VPS13B: variants seen among roughly 807,000 people sequenced by gnomAD.
VPS13B encodes the protein vacuolar protein sorting 13 homolog B.
Under a neutral mutation model 426.4 loss-of-function variants are expected in VPS13B, and 285 were observed. The ratio of observed to expected loss-of-function variants is 0.67; its 90% CI spans 0.61 to 0.74. VPS13B has a LOEUF of 0.74. VPS13B is among the 30% of genes least tolerant of loss of function. The probability of loss-of-function intolerance (pLI) is 0.00; values close to 1 mark genes in which losing one functional copy is unlikely to be tolerated. For missense variants in VPS13B, 4,537 were observed against 4,782.6 expected, an observed-to-expected ratio of 0.95 and a Z score of 1.51; for synonymous variants, 1,676 against 1,676.4, an observed-to-expected ratio of 1.00 and a Z score of 0.01.
Position 99,766,882 on chromosome 8 carries a change from A to T in VPS13B, c.7159A>T (p.Asn2387Tyr), listed in dbSNP as rs915120404. The T allele has an allele frequency of 1.2e-6, 2 of 1,613,970 alleles. No individual in the cohort carries two copies. The highest frequency in any genetic ancestry group is 1.7e-6 in the Non-Finnish European group (2 of 1,179,992). The change falls in exon 40 of 62, where the codon AAT becomes TAT. Residue 2387 changes from asparagine to tyrosine, a missense_variant. This residue lies in a region of VPS13B where 4,311 missense variants were observed against 4,474.3 expected (regional missense o/e 0.96). Coordinates refer to ENST00000357162, the MANE Select transcript of VPS13B (RefSeq NM_152564.5). ...TTGTGAACTGCAGTTGCCGGATATC[A>T]ATCTCGTGAATGACCAGAAGAAATT... ...KVCELQLPDI[N>Y]LVNDQKKLVS...
At position 99,835,284 on chromosome 8, in the gene VPS13B, T is replaced by C; in HGVS notation, c.9702T>C (p.Asn3234=). Residue 3234 remains asparagine (N), a synonymous_variant, in exon 53 of 62, where the codon AAT becomes AAC. Coordinates refer to ENST00000357162, the MANE Select transcript of VPS13B (RefSeq NM_152564.5). ...EDPSPRVIIH[N]RCPVKMLIKE... ...CTAGTCCTCGAGTAATTATCCACAA[T>C]AGATGTCCAGTAAAAATGCTTATAA... The C allele has an allele frequency of 6.2e-7, 1 of 1,613,372 alleles. No individual in the cohort carries two copies. The highest frequency in any genetic ancestry group is 8.5e-7 in the Non-Finnish European group (1 of 1,179,374).
chr8:99,433,047 C>T (rs557875711), intron 22 of VPS13B, among the ~76,000 whole-genome samples: 6 of 152,260 alleles, frequency 3.9e-5, no homozygotes, highest in East Asian at 1.9e-4. Context: ...CATGAACATA[C>T]GTGTCAATTA....
intron 17 of VPS13B, among the ~76,000 whole-genome samples, chr8:99,200,511 A>G (rs1317880740): frequency 6.6e-6 from 1 of 152,050 alleles, no homozygotes; most frequent in Non-Finnish European, 1.5e-5. Flanking sequence ...GTACCATTGT[A>G]CTTTCCATTG....
chr8:99,349,935 T>C (rs781407833), intron 19 of VPS13B, among the ~76,000 whole-genome samples: 10 of 152,192 alleles, frequency 6.6e-5, no homozygotes, highest in South Asian at 2.1e-4. Flanking sequence ...TTAACCATCA[T>C]AGAGCATATG....
At chr8:99,781,827 G>A (rs1438403981) in intron 42 of VPS13B, among the ~76,000 whole-genome samples, 2 of 152,078 alleles carry the variant, frequency 1.3e-5, no homozygotes. Flanking sequence ...TTAATCTCAG[G>A]ATGTGTAACT....
chr8:99,876,270 T>A lies in VPS13B; in HGVS notation c.*604T>A, dbSNP rs1476805952. The A allele has an allele frequency of 1.9e-5, 3 of 154,406 alleles. No individual in the cohort carries two copies. Among genetic ancestry groups the A allele is most frequent in the African/African-American group, 7.2e-5 (3 of 41,462 alleles). 9.6% of individuals were successfully genotyped at this position (154,406 alleles called of 1,614,324 possible). A position where few individuals can be genotyped will look rare whatever the true frequency, so the allele number is the denominator to read the frequency against. ...AATGAAATGCTTAGGACTTTGTGGC[T>A]TGTTACATTTGTCATTTAACTGCAG... On this transcript the variant is annotated 3_prime_UTR_variant, in exon 62 of 62. Coordinates refer to ENST00000357162, the MANE Select transcript of VPS13B (RefSeq NM_152564.5).
At chr8:99,307,336 T>G (rs1361655268) in intron 19 of VPS13B, among the ~76,000 whole-genome samples, 1 of 152,080 alleles carries the variant, frequency 6.6e-6, no homozygotes, top group Non-Finnish European at 1.5e-5. Context: ...GAAAAATTGT[T>G]AAAAATTACT....
intron 3 of VPS13B, among the ~76,000 whole-genome samples, chr8:99,053,674 CCT>C (rs1843682104): frequency 1.4e-5 from 2 of 146,162 alleles, no homozygotes; most frequent in South Asian, 4.3e-4. Flanking sequence ...CTTTTTTTTT[CCT>C]TTTTTTTTTT....
At chr8:99,068,193 A>T (rs1012460204) in intron 3 of VPS13B, among the ~76,000 whole-genome samples, 41 of 152,206 alleles carry the variant, frequency 2.7e-4, no homozygotes, top group African/African-American at 9.2e-4. Flanking sequence ...TTAAGGAATA[A>T]CAGAAGAAAT....
At chr8:99,306,802 T>C (rs1820663553) in intron 19 of VPS13B, among the ~76,000 whole-genome samples, 1 of 152,016 alleles carries the variant, frequency 6.6e-6, no homozygotes, top group African/African-American at 2.4e-5. Flanking sequence ...ATCTCAGAAC[T>C]TATACTAAAA....
At chr8:99,055,856 A>G (rs1843818651) in intron 3 of VPS13B, among the ~76,000 whole-genome samples, 1 of 149,958 alleles carries the variant, frequency 6.7e-6, no homozygotes. Context: ...CATCTTCCCT[A>G]GTAGCTGGGA....
At chr8:99,393,733 C>T (rs1418825867) in intron 21 of VPS13B, among the ~76,000 whole-genome samples, 1 of 152,040 alleles carries the variant, frequency 6.6e-6, no homozygotes, top group Admixed American at 6.6e-5. Context: ...TTTATGAATT[C>T]TATTTCTTTC....
rs570807729 is a variant in VPS13B at position 99,368,627 on chromosome 8, T to A, written c.2825-15581T>A. Reference sequence around the variant, plus strand: ...TCAGTCTGACTTTTACTATCTCAGGTCATGCCTTTGTGATTTTTGTCCCAA... The same window carrying A: ...TCAGTCTGACTTTTACTATCTCAGGACATGCCTTTGTGATTTTTGTCCCAA... On this transcript the variant is annotated intron_variant, in intron 19 of 61. Transcript: ENST00000357162. 2.6e-5 allele frequency among the ~76,000 whole-genome samples: 4 copies of A among 152,346 alleles called. No homozygotes were observed. The South Asian group carries it at 6.2e-4, about 24-fold the overall frequency.
intron 25 of VPS13B, among the ~76,000 whole-genome samples, chr8:99,492,080 T>C (rs1820635487): frequency 6.6e-6 from 1 of 152,208 alleles, no homozygotes; most frequent in African/African-American, 2.4e-5. Flanking sequence ...GTTGATGCTA[T>C]TCCTTTCTGT....
intron 34 of VPS13B, 63 bp from the exon 35 acceptor site, chr8:99,661,291 A>T: frequency 3.8e-6 from 6 of 1,595,556 alleles, no homozygotes; most frequent in Non-Finnish European, 5.1e-6. Context: ...ACTCAAACTC[A>T]TATATCAAAA....
At chr8:99,408,553 A>G (rs1164188075) in intron 21 of VPS13B, among the ~76,000 whole-genome samples, 1 of 152,170 alleles carries the variant, frequency 6.6e-6, no homozygotes, top group African/African-American at 2.4e-5. Flanking sequence ...CTTTTGAGAA[A>G]GAGACTCAAG....
At chr8:99,128,245 G>C (rs1404884462) in intron 8 of VPS13B, among the ~76,000 whole-genome samples, 1 of 151,660 alleles carries the variant, frequency 6.6e-6, no homozygotes, top group East Asian at 1.9e-4. Context: ...AAATTAGCCT[G>C]GTGTGGTGGC....
At chr8:99,233,665 C>T (rs145235258) in intron 17 of VPS13B, 35 of 848,076 alleles carry the variant, frequency 4.1e-5, no homozygotes, top group Non-Finnish European at 6.6e-5. Context: ...CTGTGCCCTT[C>T]ACAGTGATGG....
rs200878381 is a variant in VPS13B at position 99,577,536 on chromosome 8, A to C, written c.5123A>C (p.Asn1708Thr). The C allele has an allele frequency of 5.5e-5, 88 of 1,613,760 alleles. No individual in the cohort carries two copies. The highest frequency in any genetic ancestry group is 7.1e-5 in the Non-Finnish European group (84 of 1,179,798). ...GHSLEVNITT[N>T]LDFFLSVAQV... ...TCCTTAGAAGTGAATATAACCACAAACCTGGACTTCTTCCTAAGTGTGGCT... is the reference window on the plus strand; with the variant it reads ...TCCTTAGAAGTGAATATAACCACAACCCTGGACTTCTTCCTAAGTGTGGCT... The change falls in exon 33 of 62, where the codon AAC becomes ACC. Residue 1708 changes from asparagine (N) to threonine (T), a missense_variant. Physicochemically the swap from Asn to Thr is moderately conservative, Grantham distance 65. Around this residue, in one of 2 missense-constraint regions of VPS13B, gnomAD observed 4,311 missense variants for 4,474.3 expected, o/e 0.96. Coordinates refer to ENST00000357162, the MANE Select transcript of VPS13B (RefSeq NM_152564.5).
Sources: allele counts gnomAD v4.1 joint callset (sites outside exome capture counted in the v4.1 genomes callset), GRCh38; gene constraint gnomAD v4.1.1; regional missense constraint gnomAD v4.1.1; transcripts MANE v1.5; gene names NCBI Gene and HGNC (gene_info 2026-07-23, HGNC 2026-07-21).